The following TFAP2D variants were observed in gnomAD, a reference collection of about 807,000 sequenced individuals.
TFAP2D encodes the protein transcription factor AP-2 delta, also known as transcription factor AP-2-delta.
TFAP2D carries 9 observed loss-of-function variants against 43.6 expected under a neutral mutation model. That is an observed-to-expected ratio of 0.21 (90% confidence interval 0.12 to 0.36). The LOEUF (loss-of-function observed/expected upper bound fraction) is 0.36, where lower values mean the gene tolerates loss of function less well. TFAP2D is among the 10% of genes least tolerant of loss of function. TFAP2D has a pLI of 1.00. For missense variants in TFAP2D, 513 were observed against 561.4 expected (o/e 0.91, Z 0.87); for synonymous variants, 256 against 224.9 (o/e 1.14, Z -1.24).
intron 7 of TFAP2D, 98 bp downstream of exon 7, chr6:50,751,422 T>C (rs1411172102): frequency 1.2e-6 from 1 of 813,238 alleles, no homozygotes; most frequent in East Asian, 2.6e-5. Flanking sequence ...TATGTTTATA[T>C]GGTGACTGTC....
chr6:50,725,489 T>TAG (rs1768794461), intron 3 of TFAP2D, among the ~76,000 whole-genome samples: 1 of 152,238 alleles, frequency 6.6e-6, no homozygotes, highest in South Asian at 2.1e-4. Flanking sequence ...AAGTTCTGCA[T>TAG]GAATACACTG....
At chr6:50,757,435 AATATATATAC>A in intron 7 of TFAP2D, among the ~76,000 whole-genome samples, 2 of 102,066 alleles carry the variant, frequency 2.0e-5, no homozygotes, top group Non-Finnish European at 3.6e-5. Flanking sequence ...ATATATATAG[AATATATATAC>A]TTATTCTATA....
chr6:50,738,655 C>T (rs1768995799), intron 5 of TFAP2D, among the ~76,000 whole-genome samples: 2 of 152,112 alleles, frequency 1.3e-5, no homozygotes, highest in South Asian at 2.1e-4. Context: ...CACCTTTTCC[C>T]TACTAACTTT....
chr6:50,734,611 A>G (rs774696023), intron 5 of TFAP2D, among the ~76,000 whole-genome samples: 27 of 152,224 alleles, frequency 1.8e-4, no homozygotes, highest in Non-Finnish European at 2.6e-4. Context: ...GGAAAGGCAT[A>G]ATGGTGGAAG....
At chr6:50,741,076 A>G (rs1769037687) in intron 5 of TFAP2D, among the ~76,000 whole-genome samples, 1 of 151,900 alleles carries the variant, frequency 6.6e-6, no homozygotes, top group Non-Finnish European at 1.5e-5. Context: ...TATGTTTAAT[A>G]TAAGTATTAA....
chr6:50,735,874 C>A (rs1336516319), intron 5 of TFAP2D, among the ~76,000 whole-genome samples: 1 of 152,176 alleles, frequency 6.6e-6, no homozygotes, highest in Non-Finnish European at 1.5e-5. Context: ...GTATCATTGA[C>A]TGCATGAGAC....
chr6:50,731,040 A>T (rs1388982383), intron 5 of TFAP2D, among the ~76,000 whole-genome samples: 1 of 152,198 alleles, frequency 6.6e-6, no homozygotes, highest in East Asian at 1.9e-4. Context: ...TTTTTATGGT[A>T]GCCAAGAGCA....
chr6:50,766,957 C>T (rs1008728580), intron 7 of TFAP2D, among the ~76,000 whole-genome samples: 14 of 152,076 alleles, frequency 9.2e-5, no homozygotes, highest in Admixed American at 2.6e-4. Flanking sequence ...CGTGAGCCAC[C>T]GTGCCCGGCC....
intron 7 of TFAP2D, among the ~76,000 whole-genome samples, chr6:50,759,900 A>G (rs1769338810): frequency 6.6e-6 from 1 of 151,960 alleles, no homozygotes. Context: ...ATGAGCACAC[A>G]TCTCCCAATC....
intron 5 of TFAP2D, among the ~76,000 whole-genome samples, chr6:50,742,927 T>C (rs898070700): frequency 6.8e-6 from 1 of 146,496 alleles, no homozygotes; most frequent in African/African-American, 2.5e-5. Context: ...ATAGTGAGTG[T>C]CCTGTATGGC....
intron 5 of TFAP2D, among the ~76,000 whole-genome samples, chr6:50,729,753 A>G (rs1190563027): frequency 6.6e-6 from 1 of 152,176 alleles, no homozygotes; most frequent in Non-Finnish European, 1.5e-5. Context: ...GCCTGAAAGC[A>G]TATTGTATTA....
intron 7 of TFAP2D, among the ~76,000 whole-genome samples, chr6:50,766,046 G>A (rs1023787968): frequency 1.3e-5 from 2 of 152,066 alleles, no homozygotes; most frequent in African/African-American, 4.8e-5. Context: ...TATGGTGTAT[G>A]GTGTAAGATA....
chr6:50,714,152 CGGT>C, intron 1 of TFAP2D, 58 bp downstream of exon 1: 4 of 1,494,860 alleles, frequency 2.7e-6, no homozygotes, highest in Non-Finnish European at 3.6e-6. Context: ...GCGGCGGCGG[CGGT>C]GGCGGCGGTG....
intron 3 of TFAP2D, among the ~76,000 whole-genome samples, chr6:50,725,761 T>C (rs982251159): frequency 3.3e-5 from 5 of 152,152 alleles, no homozygotes; most frequent in African/African-American, 1.2e-4. Context: ...AAAACCCTGG[T>C]GATATTGACC....
At position 50,715,199 on chromosome 6, in the gene TFAP2D, C is replaced by T. The variant is rs199760122; in HGVS notation, c.123C>T (p.Ser41=). The change falls in exon 2 of 8, where the codon TCC becomes TCT. Residue 41 remains serine (S), a synonymous_variant. Coordinates refer to ENST00000008391, the MANE Select transcript of TFAP2D (RefSeq NM_172238.4). The part of the protein sequence containing the change: ...ESVANSTVAY[S]SSSPLTYSTT... ...TAGCCAATTCCACTGTCGCCTATTC[C>T]TCCTCCTCTCCTTTAACTTACTCCA... 6.2e-7 allele frequency: 1 copy of T among 1,613,898 alleles called. No individual in the cohort carries two copies. The highest frequency in any genetic ancestry group is 1.3e-5 in the African/African-American group (1 of 74,926).
In TFAP2D at chr6:50,745,178, G is replaced by C. The variant is rs1478294008; in HGVS notation, c.955G>C (p.Glu319Gln). Residue 319 changes from glutamate (E) to glutamine (Q), a missense_variant, in exon 6 of 8, where the codon GAA (glutamate) becomes CAA (glutamine). Coordinates refer to ENST00000008391, the MANE Select transcript of TFAP2D (RefSeq NM_172238.4). ...ETEFPAKAVG[E>Q]HLARQHMEQK... ...AGAGTTTCCAGCCAAAGCAGTAGGA[G>C]AACATCTTGCCAGACAACATATGGA... 1 of 1,613,726 alleles carries C rather than the reference G, an allele frequency of 6.2e-7. No individual in the cohort carries two copies. The highest frequency in any genetic ancestry group is 8.5e-7 in the Non-Finnish European group (1 of 1,179,828).
At chr6:50,722,974 C>A (rs1768753368) in intron 3 of TFAP2D, among the ~76,000 whole-genome samples, 1 of 152,220 alleles carries the variant, frequency 6.6e-6, no homozygotes, top group Non-Finnish European at 1.5e-5. Flanking sequence ...CGGACCCGGC[C>A]ATGGGCAGGC....
At chr6:50,752,112 A>G (rs1167441246) in intron 7 of TFAP2D, among the ~76,000 whole-genome samples, 3 of 151,918 alleles carry the variant, frequency 2.0e-5, no homozygotes, top group African/African-American at 7.2e-5. Context: ...GAAACTGCAA[A>G]TGGTTCTTAA....
intron 7 of TFAP2D, among the ~76,000 whole-genome samples, chr6:50,751,543 C>T (rs960664433): frequency 1.1e-4 from 16 of 151,784 alleles, no homozygotes; most frequent in Admixed American, 6.6e-4. Context: ...ATTAAGGTGC[C>T]GGCAGAGTTA....
Sources: gnomAD v4.1 joint callset for allele counts (sites outside exome capture counted in the v4.1 genomes callset) on GRCh38, gnomAD v4.1.1 for gene constraint, MANE v1.5 for transcripts, NCBI Gene and HGNC (gene_info 2026-07-23, HGNC 2026-07-21) for gene names.